Variants in LRP2 observed in about 807,000 individuals in gnomAD.
LRP2 encodes the protein low-density lipoprotein receptor-related protein 2.
A neutral mutation model predicts 531.0 loss-of-function variants in LRP2; 172 were observed. That is an observed-to-expected ratio of 0.32 (90% CI 0.29 to 0.37). The LOEUF (loss-of-function observed/expected upper bound fraction) is 0.37. Among genes scored for constraint, LRP2 ranks in the 10% least tolerant of loss-of-function variants. The pLI, the probability that LRP2 is intolerant of heterozygous loss-of-function variation, is 1.00. For missense variants in LRP2, 5,167 were observed against 5,868.3 expected (o/e 0.88, Z 3.90); for synonymous variants, 1,992 against 2,027.6 (o/e 0.98, Z 0.47).
rs374132295 is a variant in LRP2 at position 169,176,429 on chromosome 2, A to G, written c.10553T>C (p.Leu3518Pro). 2 of 1,614,054 alleles carry G rather than the reference A, an allele frequency of 1.2e-6. No individual in the cohort carries two copies. The highest frequency in any genetic ancestry group is 2.7e-5 in the African/African-American group (2 of 74,938). ...GCCTTACTTTTCATTGTTAGCGCAC[A>G]GGAACTGGGTGCTGGAGCACATGGG... ...CMPMCSSTQF[L>P]CANNEKCIPI... The change falls in exon 54 of 79, where the codon CTG becomes CCG. Residue 3518 changes from leucine (L) to proline (P), a missense_variant. Leu to Pro is a moderately conservative substitution (Grantham distance 98). Coordinates refer to ENST00000649046, the MANE Select transcript of LRP2 (RefSeq NM_004525.3).
Position 169,137,442 on chromosome 2 carries a change from G to A in LRP2, c.13570C>T (p.Pro4524Ser), listed in dbSNP as rs1340675692. 1.2e-6 allele frequency: 2 copies of A among 1,613,884 alleles called. No homozygotes were observed. Among genetic ancestry groups the A allele is most frequent in the Non-Finnish European group, 1.7e-6 (2 of 1,179,948 alleles). ...MGKQPIIFEN[P>S]MYSARDSAVK... ...GCACTGTCTCTGGCTGAGTACATTG[G>A]GTTTTCAAATATTATGGGCTGCTTC... is the stretch of plus-strand genomic sequence containing the variant. Residue 4524 changes from proline (P) to serine (S), a missense_variant, in exon 76 of 79, where the codon CCA (proline) becomes TCA (serine). Coordinates refer to ENST00000649046, the MANE Select transcript of LRP2 (RefSeq NM_004525.3).
chr2:169,206,066 G>T lies in LRP2; in HGVS notation c.7513C>A (p.Arg2505Ser). ...EDGSNRTVIA[R>S]VPKPRAIVLD... ...ACAATTGCTCTTGGTTTTGGAACGC[G>T]GGCTATCACAGTGCGGTTAGACCCA... The change falls in exon 40 of 79, where the codon CGC becomes AGC. Residue 2505 changes from arginine (R) to serine (S), a missense_variant. By Grantham distance (110) the Arg-to-Ser change is moderately radical (BLOSUM62 -1). This residue lies in a region of LRP2 where 1,129 missense variants were observed against 1,362.7 expected (regional missense o/e 0.83). Coordinates refer to ENST00000649046, the MANE Select transcript of LRP2 (RefSeq NM_004525.3). 6.2e-7 allele frequency: 1 copy of T among 1,614,168 alleles called. No individual in the cohort carries two copies. The highest frequency in any genetic ancestry group is 8.5e-7 in the Non-Finnish European group (1 of 1,180,034).
chr2:169,317,086 C>A (rs541724487), intron 3 of LRP2, among the ~76,000 whole-genome samples: 1 of 152,184 alleles, frequency 6.6e-6, no homozygotes, highest in East Asian at 1.9e-4. Context: ...ATTTTTATAT[C>A]ATTAAAAATG....
At chr2:169,337,394 C>A (rs1574270419) in intron 1 of LRP2, among the ~76,000 whole-genome samples, 1 of 152,256 alleles carries the variant, frequency 6.6e-6, no homozygotes, top group Non-Finnish European at 1.5e-5. Context: ...ATAAGGCCAT[C>A]TTTGCTAATG....
chr2:169,188,403 T>A, intron 48 of LRP2, 138 bp from the exon 49 acceptor site: 1 of 806,386 alleles, frequency 1.2e-6, no homozygotes, highest in South Asian at 1.4e-5. Context: ...GTGTCCTTGA[T>A]CCCCTTTCCC....
chr2:169,281,179 T>C (rs1683693492), intron 10 of LRP2, among the ~76,000 whole-genome samples: 1 of 152,200 alleles, frequency 6.6e-6, no homozygotes, highest in Non-Finnish European at 1.5e-5. Context: ...CCCAGCACTT[T>C]GAGGGACTGA....
At chr2:169,200,008 T>A (rs1275218245) in intron 44 of LRP2, among the ~76,000 whole-genome samples, 1 of 152,190 alleles carries the variant, frequency 6.6e-6, no homozygotes, top group African/African-American at 2.4e-5. Flanking sequence ...CCCAGCACTT[T>A]GGGAGGCCAA....
intron 30 of LRP2, among the ~76,000 whole-genome samples, chr2:169,232,620 G>A (rs181345712): frequency 6.6e-6 from 1 of 152,296 alleles, no homozygotes; most frequent in Non-Finnish European, 1.5e-5. Context: ...TTTAGGTAGA[G>A]CGGTCAATGA....
At chr2:169,288,929 G>A (rs1042489186) in intron 9 of LRP2, 97 bp downstream of exon 9, 12 of 1,575,090 alleles carry the variant, frequency 7.6e-6, no homozygotes, top group South Asian at 1.1e-5. Context: ...AGACCATGAC[G>A]ACTCTCCACA....
intron 30 of LRP2, among the ~76,000 whole-genome samples, chr2:169,233,002 T>C (rs1424807389): frequency 1.3e-5 from 2 of 152,208 alleles, no homozygotes; most frequent in African/African-American, 2.4e-5. Flanking sequence ...TCGTGCTGGC[T>C]ACAGCAGAGC....
At chr2:169,205,888 T>C (rs1688366993) in intron 40 of LRP2, 135 bp downstream of exon 40, 2 of 1,229,316 alleles carry the variant, frequency 1.6e-6, no homozygotes, top group Non-Finnish European at 2.4e-6. Context: ...AATCACTCAA[T>C]ATGCTTTCAT....
At chr2:169,316,334 T>A (rs1355201041) in intron 3 of LRP2, among the ~76,000 whole-genome samples, 1 of 152,124 alleles carries the variant, frequency 6.6e-6, no homozygotes, top group East Asian at 1.9e-4. Context: ...GTGATAGCCT[T>A]TTCATGTTAA....
At chr2:169,139,139 G>A (rs530975387) in intron 74 of LRP2, 112 bp downstream of exon 74, 138 of 1,490,780 alleles carry the variant, frequency 9.3e-5, no homozygotes, top group Middle Eastern at 1.7e-4. Context: ...CTGTGGAATC[G>A]GTGAACTGCG....
At chr2:169,355,342 T>C (rs996233538) in intron 1 of LRP2, among the ~76,000 whole-genome samples, 2 of 152,226 alleles carry the variant, frequency 1.3e-5, no homozygotes, top group African/African-American at 4.8e-5. Flanking sequence ...ACATACAAAA[T>C]GAAAATAACA....
In LRP2 at chr2:169,145,781, A is replaced by C. The variant is rs1478283354; in HGVS notation, c.12954T>G (p.Val4318=). ...TGTATCTGAGTTGATGAAAGATTCGAACTTGAGTGAGCCAAGGGTTCACTA... is the reference window on the plus strand; with the variant it reads ...TGTATCTGAGTTGATGAAAGATTCGCACTTGAGTGAGCCAAGGGTTCACTA... ...TLVVNPWLTQ[V]RIFHQLRYNK... is the part of the protein sequence containing the mutation. The change falls in exon 70 of 79, where the codon GTT becomes GTG. Residue 4318 remains valine (V), a synonymous_variant. Coordinates refer to ENST00000649046, the MANE Select transcript of LRP2 (RefSeq NM_004525.3). 6.8e-6 allele frequency: 11 copies of C among 1,614,174 alleles called. No individual in the cohort carries two copies. The highest frequency in any genetic ancestry group is 9.3e-6 in the Non-Finnish European group (11 of 1,180,024).
At chr2:169,156,707 G>A (rs1427765283) in intron 64 of LRP2, among the ~76,000 whole-genome samples, 3 of 152,172 alleles carry the variant, frequency 2.0e-5, no homozygotes, top group Non-Finnish European at 4.4e-5. Context: ...CAATAGCAGA[G>A]CACATTTTCC....
intron 6 of LRP2, 46 bp downstream of exon 6, chr2:169,294,102 C>G: frequency 7.3e-7 from 1 of 1,379,180 alleles, no homozygotes. Context: ...CGAAACAAAA[C>G]AAAACACTCC....
At position 169,244,843 on chromosome 2, in the gene LRP2, C is replaced by G; in HGVS notation, c.3280G>C (p.Asp1094His). Residue 1094 changes from aspartate to histidine, a missense_variant, in exon 22 of 79, where the codon GAT (aspartate) becomes CAT (histidine). Around this residue, in one of 6 missense-constraint regions of LRP2, gnomAD observed 2,811 missense variants for 3,058.0 expected, o/e 0.92. Transcript: ENST00000649046. Reference sequence around the variant, plus strand: ...GGGCAGTTGTGCTCATCACTGCCATCCACACAGTCGTTGCGTTTGTCACAG... The same window carrying G: ...GGGCAGTTGTGCTCATCACTGCCATGCACACAGTCGTTGCGTTTGTCACAG... ...WRCDKRNDCV[D>H]GSDEHNCPTH... The G allele has an allele frequency of 6.2e-7, 1 of 1,614,238 alleles. No individual in the cohort carries two copies. The highest frequency in any genetic ancestry group is 8.5e-7 in the Non-Finnish European group (1 of 1,180,044).
At chr2:169,156,506 G>T in intron 64 of LRP2, 101 bp from the exon 65 acceptor site, 1 of 1,282,896 alleles carries the variant, frequency 7.8e-7, no homozygotes, top group East Asian at 2.3e-5. Flanking sequence ...TGAGGACCGA[G>T]AAGGGTACAG....
Sources: allele counts gnomAD v4.1 joint callset (sites outside exome capture counted in the v4.1 genomes callset), GRCh38; gene constraint gnomAD v4.1.1; regional missense constraint gnomAD v4.1.1; transcripts MANE v1.5; gene names NCBI Gene and HGNC (gene_info 2026-07-23, HGNC 2026-07-21).